Variants in HP1BP3 observed in about 807,000 individuals in gnomAD.
The protein encoded by HP1BP3 is heterochromatin protein 1-binding protein 3.
Under a neutral mutation model 62.5 loss-of-function variants are expected in HP1BP3, and 12 were observed. The observed-to-expected ratio is 0.19, with a 90% CI of 0.12 to 0.31. The LOEUF is 0.31. Among genes scored for constraint, HP1BP3 ranks in the 10% least tolerant of loss-of-function variants. The pLI is 1.00. For missense variants in HP1BP3, 502 were observed against 651.8 expected, an observed-to-expected ratio of 0.77 and a Z score of 2.50; for synonymous variants, 260 against 237.8, an observed-to-expected ratio of 1.09 and a Z score of -0.86.
At chr1:20,781,700 C>T (rs1452761991) in intron 1 of HP1BP3, among the ~76,000 whole-genome samples, 2 of 152,162 alleles carry the variant, frequency 1.3e-5, no homozygotes, top group Non-Finnish European at 2.9e-5. Context: ...GATCTCAGCT[C>T]GCTGCAACCT....
intron 2 of HP1BP3, among the ~76,000 whole-genome samples, 184 bp downstream of exon 2, chr1:20,780,161 G>A (rs1415315258): frequency 1.3e-5 from 2 of 152,150 alleles, no homozygotes; most frequent in African/African-American, 4.8e-5. Context: ...TATAAATTTA[G>A]AAGGTTGGAG....
At chr1:20,745,112 A>G (rs559040682) in intron 12 of HP1BP3, 21 bp from the exon 13 acceptor site, 2 of 1,587,302 alleles carry the variant, frequency 1.3e-6, no homozygotes, top group Admixed American at 3.7e-5. Flanking sequence ...CAAAGAGCAA[A>G]GGCCGTCATT....
chr1:20,779,007 C>G (rs1009074563), intron 3 of HP1BP3, among the ~76,000 whole-genome samples: 7 of 152,166 alleles, frequency 4.6e-5, no homozygotes, highest in East Asian at 1.9e-4. Flanking sequence ...CCAGGCTGGT[C>G]TCGAACTCCT....
At chr1:20,753,203 A>G (rs898885277) in intron 9 of HP1BP3, among the ~76,000 whole-genome samples, 1 of 152,136 alleles carries the variant, frequency 6.6e-6, no homozygotes, top group African/African-American at 2.4e-5. Context: ...GGCCTCCCCA[A>G]AGTGCTGGGA....
intron 3 of HP1BP3, among the ~76,000 whole-genome samples, chr1:20,779,015 C>A (rs1237755846): frequency 6.6e-6 from 1 of 152,106 alleles, no homozygotes; most frequent in Non-Finnish European, 1.5e-5. Context: ...GTCTCGAACT[C>A]CTGACCTCAG....
chr1:20,771,169 A>G, intron 5 of HP1BP3, 96 bp from the exon 6 acceptor site: 1 of 1,025,746 alleles, frequency 9.7e-7, no homozygotes, highest in Non-Finnish European at 1.4e-6. Flanking sequence ...ATTTGATGAT[A>G]GATGACAAAA....
chr1:20,754,263 G>A (rs1385290921), intron 9 of HP1BP3, among the ~76,000 whole-genome samples: 7 of 152,078 alleles, frequency 4.6e-5, no homozygotes. Context: ...AAGACAGCAT[G>A]GAAAAAGAAT....
At chr1:20,755,678 T>C (rs896657872) in intron 9 of HP1BP3, among the ~76,000 whole-genome samples, 1 of 152,186 alleles carries the variant, frequency 6.6e-6, no homozygotes, top group Non-Finnish European at 1.5e-5. Context: ...CCACGCAGAC[T>C]TGAACATAAA....
intron 10 of HP1BP3, among the ~76,000 whole-genome samples, chr1:20,748,337 TAC>T (rs1434220050): frequency 4.6e-5 from 7 of 152,352 alleles, no homozygotes; most frequent in African/African-American, 1.7e-4. Flanking sequence ...TCATCTTTCT[TAC>T]AGAGACATAT....
In HP1BP3 at chr1:20,776,770, G is replaced by T; in HGVS notation, c.197-20C>A. On this transcript the variant is annotated intron_variant, in intron 3 of 12. Transcript: ENST00000438032. ...CTGGTTCTAAAAAATCAGGTGAGCAGAATTGCATAAGCAGATGTATTCCAA... is the reference window on the plus strand; with the variant it reads ...CTGGTTCTAAAAAATCAGGTGAGCATAATTGCATAAGCAGATGTATTCCAA... The T allele has an allele frequency of 6.2e-7, 1 of 1,603,048 alleles. No individual in the cohort carries two copies. Among genetic ancestry groups the T allele is most frequent in the Non-Finnish European group, 8.5e-7 (1 of 1,174,988 alleles).
At chr1:20,770,212 A>G (rs928776356) in intron 6 of HP1BP3, among the ~76,000 whole-genome samples, 9 of 152,220 alleles carry the variant, frequency 5.9e-5, no homozygotes, top group Admixed American at 5.2e-4. Context: ...TTTAGATACT[A>G]ATCAGTTAAG....
At position 20,765,394 on chromosome 1, in the gene HP1BP3, C is replaced by T. The variant is rs1169191290; in HGVS notation, c.873G>A (p.Lys291=). Reference sequence around the variant, plus strand: ...GCTCATACCTGATGTCCACTCTAAGCTTAGGATAATACTGAGACACATATT... The same window carrying T: ...GCTCATACCTGATGTCCACTCTAAGTTTAGGATAATACTGAGACACATATT... ...IRKYVSQYYP[K]LRVDIRPQLL... is the part of the protein sequence containing the mutation. The change falls in exon 8 of 13, where the codon AAG becomes AAA. Residue 291 remains lysine, a synonymous_variant. Coordinates refer to ENST00000438032, the MANE Select transcript of HP1BP3 (RefSeq NM_001372052.1). 6.2e-7 allele frequency: 1 copy of T among 1,609,796 alleles called. No individual in the cohort carries two copies. The highest frequency in any genetic ancestry group is 2.2e-5 in the East Asian group (1 of 44,712).
chr1:20,781,544 G>A (rs1424807820), intron 1 of HP1BP3, among the ~76,000 whole-genome samples: 1 of 152,132 alleles, frequency 6.6e-6, no homozygotes, highest in African/African-American at 2.4e-5. Context: ...TCAGCTGCAA[G>A]GAAATCTTTC....
At chr1:20,745,459 T>C (rs904727595) in intron 12 of HP1BP3, 84 bp downstream of exon 12, 1 of 1,467,196 alleles carries the variant, frequency 6.8e-7, no homozygotes, top group African/African-American at 1.4e-5. Context: ...AAATGCTTTT[T>C]AGCTTTAGCC....
At chr1:20,755,711 T>C (rs553202885) in intron 9 of HP1BP3, among the ~76,000 whole-genome samples, 1 of 152,300 alleles carries the variant, frequency 6.6e-6, no homozygotes, top group South Asian at 2.1e-4. Flanking sequence ...GTATTATTCA[T>C]AATTAGCTGA....
chr1:20,784,556 G>A (rs1425360981), intron 1 of HP1BP3, among the ~76,000 whole-genome samples: 1 of 141,356 alleles, frequency 7.1e-6, no homozygotes, highest in African/African-American at 2.7e-5. Flanking sequence ...TCGGCTCACT[G>A]CAACCTCCCC....
In HP1BP3 at chr1:20,742,751, G is replaced by C. The variant is rs1369980975; in HGVS notation, c.*2046C>G. On this transcript the variant is annotated 3_prime_UTR_variant, in exon 13 of 13. Coordinates refer to ENST00000438032, the MANE Select transcript of HP1BP3 (RefSeq NM_001372052.1). ...ATTAAAAAAGGAAGATTTACAACAGGAAAGATTGCCTTACATGCAACACAA... is the reference window on the plus strand; with the variant it reads ...ATTAAAAAAGGAAGATTTACAACAGCAAAGATTGCCTTACATGCAACACAA... The C allele has an allele frequency of 6.6e-6, 1 of 152,516 alleles. No homozygotes were observed. Among genetic ancestry groups the C allele is most frequent in the Non-Finnish European group, 1.5e-5 (1 of 68,018 alleles). 9.4% of individuals were successfully genotyped at this position (152,516 alleles called of 1,614,324 possible). A position where few individuals can be genotyped will look rare whatever the true frequency, so the allele number is the denominator to read the frequency against.
intron 8 of HP1BP3, among the ~76,000 whole-genome samples, chr1:20,759,189 T>C (rs772298587): frequency 2.6e-5 from 4 of 152,142 alleles, no homozygotes; most frequent in Non-Finnish European, 5.9e-5. Flanking sequence ...TCACCTGAGG[T>C]TGGGAGTTTG....
chr1:20,780,059 TGAAGTGAAATATGA>T, intron 2 of HP1BP3, 148 bp from the exon 3 acceptor site: 2 of 615,914 alleles, frequency 3.2e-6, no homozygotes, highest in Non-Finnish European at 5.6e-6. Context: ...AAGTTTTTTT[TGAAGTGAAATATGA>T]TTTTTAAGAT....
Sources: allele counts gnomAD v4.1 joint callset (sites outside exome capture counted in the v4.1 genomes callset), GRCh38; gene constraint gnomAD v4.1.1; transcripts MANE v1.5; gene names NCBI Gene and HGNC (gene_info 2026-07-23, HGNC 2026-07-21).